The following RNASEH2B variants were observed in gnomAD, a reference collection of about 807,000 sequenced individuals.
RNASEH2B encodes the protein ribonuclease H2 subunit B.
RNASEH2B carries 36 observed loss-of-function variants against 45.0 expected under a neutral mutation model. That is an observed-to-expected ratio of 0.80 (90% CI 0.61 to 1.06). RNASEH2B has a LOEUF of 1.06. RNASEH2B is among the 50% of genes least tolerant of loss of function. The pLI is 0.00. For missense variants in RNASEH2B, 361 were observed against 360.3 expected, an observed-to-expected ratio of 1.00 and a Z score of -0.02; for synonymous variants, 119 against 125.7, an observed-to-expected ratio of 0.95 and a Z score of 0.35.
At chr13:50,950,589 G>T (rs1951964359) in intron 9 of RNASEH2B, 2 of 152,186 alleles carry the variant, frequency 1.3e-5, no homozygotes, top group South Asian at 4.1e-4. Flanking sequence ...AGTAGCTCTA[G>T]AGGACCTAGA....
chr13:50,928,196 G>A (rs188831616), intron 2 of RNASEH2B, among the ~76,000 whole-genome samples: 1 of 152,178 alleles, frequency 6.6e-6, no homozygotes, highest in Admixed American at 6.5e-5. Context: ...AATTTATAAG[G>A]TTTTGTGTAG....
intron 9 of RNASEH2B, 48 bp downstream of exon 9, chr13:50,949,553 A>G: frequency 6.6e-7 from 1 of 1,520,198 alleles, no homozygotes; most frequent in Non-Finnish European, 9.1e-7. Flanking sequence ...GAAAAATATT[A>G]CACTCTTACC....
intron 8 of RNASEH2B, chr13:50,948,297 C>A: frequency 1.7e-6 from 1 of 599,902 alleles, no homozygotes; most frequent in Non-Finnish European, 2.6e-6. Context: ...GGAATTATGG[C>A]TTGGTCTGAT....
At chr13:50,952,571 T>C (rs1015857909) in intron 9 of RNASEH2B, 1 of 152,068 alleles carries the variant, frequency 6.6e-6, no homozygotes, top group Non-Finnish European at 1.5e-5. Context: ...GCAGCTAATT[T>C]TTATATTTTT....
chr13:50,969,821 C>T (rs1952203162), intron 9 of RNASEH2B: 2 of 1,094,920 alleles, frequency 1.8e-6, no homozygotes, highest in Non-Finnish European at 2.7e-6. Context: ...GCCCTCAGGA[C>T]TAAACCCGCC....
At chr13:50,923,248 G>A (rs930992222) in intron 1 of RNASEH2B, among the ~76,000 whole-genome samples, 1 of 152,104 alleles carries the variant, frequency 6.6e-6, no homozygotes, top group Non-Finnish European at 1.5e-5. Context: ...AGAGAAGGGT[G>A]GAAGAGGAAT....
chr13:50,958,695 T>A (rs1952080509), downstream of RNASEH2B, among the ~76,000 whole-genome samples: 1 of 152,236 alleles, frequency 6.6e-6, no homozygotes, highest in Non-Finnish European at 1.5e-5. Flanking sequence ...TAACTGTTCT[T>A]CATAAATATG....
chr13:50,953,060 G>A (rs1335332127), intron 9 of RNASEH2B: 1 of 152,160 alleles, frequency 6.6e-6, no homozygotes, highest in Admixed American at 6.5e-5. Context: ...GGTCAACCTG[G>A]TGTCTCCATA....
At chr13:50,940,021 A>G (rs1401498096) in intron 5 of RNASEH2B, among the ~76,000 whole-genome samples, 1 of 152,250 alleles carries the variant, frequency 6.6e-6, no homozygotes, top group Non-Finnish European at 1.5e-5. Context: ...CACGGCTTAA[A>G]ATGATATAGC....
intron 1 of RNASEH2B, among the ~76,000 whole-genome samples, chr13:50,924,088 A>C (rs1472116413): frequency 6.6e-6 from 1 of 152,224 alleles, no homozygotes; most frequent in African/African-American, 2.4e-5. Context: ...ATTTAACTCA[A>C]AATAAGACAG....
chr13:50,960,006 A>G, downstream of RNASEH2B: 1 of 365,550 alleles, frequency 2.7e-6, no homozygotes, highest in Non-Finnish European at 4.8e-6. Flanking sequence ...GGAATATAGT[A>G]TTTCTTTTTA....
intron 8 of RNASEH2B, chr13:50,948,452 C>T (rs1951933805): frequency 5.8e-6 from 1 of 172,530 alleles, no homozygotes; most frequent in Non-Finnish European, 1.3e-5. Flanking sequence ...ATATTGATAT[C>T]ATTTTCACTA....
chr13:50,928,982 T>A (rs1951641336), intron 2 of RNASEH2B, among the ~76,000 whole-genome samples: 1 of 130,762 alleles, frequency 7.6e-6, no homozygotes, highest in South Asian at 2.4e-4. Context: ...GGAAAAAAAA[T>A]TCATTCAGTT....
At chr13:50,927,795 T>C (rs1373704631) in intron 2 of RNASEH2B, among the ~76,000 whole-genome samples, 1 of 152,160 alleles carries the variant, frequency 6.6e-6, no homozygotes, top group Non-Finnish European at 1.5e-5. Flanking sequence ...TAAGCCAACT[T>C]TTCTTAGTTA....
intron 9 of RNASEH2B, chr13:50,951,064 G>A (rs928928335): frequency 3.9e-5 from 6 of 152,220 alleles, no homozygotes; most frequent in African/African-American, 9.6e-5. Context: ...ATAAAAGCAG[G>A]CAGCCAGCTG....
At chr13:50,914,222 C>G (rs1251282031) in intron 1 of RNASEH2B, among the ~76,000 whole-genome samples, 1 of 152,198 alleles carries the variant, frequency 6.6e-6, no homozygotes, top group Non-Finnish European at 1.5e-5. Flanking sequence ...CTTTTCCCTT[C>G]TTTACCTAAT....
intron 9 of RNASEH2B, among the ~76,000 whole-genome samples, chr13:50,963,459 C>T (rs761675782): frequency 3.3e-5 from 5 of 152,114 alleles, no homozygotes; most frequent in Admixed American, 6.6e-5. Flanking sequence ...CCACCACGCC[C>T]GGCCTTAAAT....
Position 50,967,925 on chromosome 13 carries a change from T to C in RNASEH2B, c.742-2007T>C, listed in dbSNP as rs544580043. 4.6e-5 allele frequency among the ~76,000 whole-genome samples: 7 copies of C among 152,322 alleles called. No individual in the cohort carries two copies. In the South Asian group the frequency reaches 1.4e-3, roughly 32 times the overall value. The stretch of plus-strand genomic sequence containing the variant: ...GTGGGAGGGTGTTTTCCAAGTGTAC[T>C]TAGAAAATGTTTATGAGCTTTGTCC... On this transcript the variant is annotated intron_variant, in intron 9 of 9. Transcript: ENST00000422660.
intron 4 of RNASEH2B, chr13:50,934,637 T>A: frequency 7.8e-6 from 4 of 513,368 alleles, no homozygotes; most frequent in Non-Finnish European, 1.4e-5. Flanking sequence ...TTCTTCCCCA[T>A]TTCATTTGGG....
Sources: allele counts gnomAD v4.1 joint callset (sites outside exome capture counted in the v4.1 genomes callset), GRCh38; gene constraint gnomAD v4.1.1; transcripts MANE v1.5; gene names NCBI Gene and HGNC (gene_info 2026-07-23, HGNC 2026-07-21).